The following ABCB1 variants were observed in gnomAD, a reference collection of about 807,000 sequenced individuals.
The protein encoded by ABCB1 is ATP binding cassette subfamily B member 1, also known as ATP-dependent translocase ABCB1.
ABCB1 carries 69 observed loss-of-function variants against 142.0 expected under a neutral mutation model. The ratio of observed to expected loss-of-function variants is 0.49; its 90% confidence interval spans 0.40 to 0.59. The LOEUF is 0.59. Ranked by LOEUF, ABCB1 falls within the 20% of genes least tolerant of loss-of-function variation. ABCB1 has a pLI of 0.00. For synonymous variants in ABCB1, 532 were observed against 539.2 expected, an observed-to-expected ratio of 0.99 and a Z score of 0.18; for missense variants, 1,326 against 1,554.7, an observed-to-expected ratio of 0.85 and a Z score of 2.47.
intron 1 of ABCB1, among the ~76,000 whole-genome samples, chr7:87,607,084 T>C (rs1819681188): frequency 6.6e-6 from 1 of 152,160 alleles, no homozygotes; most frequent in African/African-American, 2.4e-5. Flanking sequence ...GAGGTAGAGA[T>C]AGAGATTCTC....
chr7:87,539,902 GC>G (rs1816457483), intron 18 of ABCB1, among the ~76,000 whole-genome samples: 2 of 152,112 alleles, frequency 1.3e-5, no homozygotes, highest in African/African-American at 4.8e-5. Context: ...CCAGCTCAAA[GC>G]CCACCTCACT....
chr7:87,599,993 A>G (rs2130000306), intron 2 of ABCB1, 124 bp downstream of exon 2: 1 of 949,400 alleles, frequency 1.1e-6, no homozygotes, highest in East Asian at 2.6e-5. Flanking sequence ...TCCAAAGGCT[A>G]GCTTGCGTTT....
At chr7:87,598,343 A>C (rs192109508) in intron 2 of ABCB1, among the ~76,000 whole-genome samples, 130 of 152,316 alleles carry the variant, frequency 8.5e-4, no homozygotes, top group African/African-American at 3.1e-3. Flanking sequence ...GTTTTTGCAG[A>C]TATATTAATA....
chr7:87,690,013 A>G (rs1827866524), intron 1 of ABCB1, among the ~76,000 whole-genome samples: 1 of 152,056 alleles, frequency 6.6e-6, no homozygotes. Context: ...AATTTTTTAT[A>G]GAGACAGAGT....
intron 1 of ABCB1, among the ~76,000 whole-genome samples, chr7:87,692,466 C>T (rs999765364): frequency 2.6e-5 from 4 of 152,110 alleles, no homozygotes; most frequent in African/African-American, 9.7e-5. Context: ...CTTAAACAAT[C>T]AAACACAAAA....
intron 20 of ABCB1, 131 bp from the exon 21 acceptor site, chr7:87,531,628 C>T: frequency 1.2e-6 from 1 of 826,518 alleles, no homozygotes; most frequent in Non-Finnish European, 1.9e-6. Flanking sequence ...AAGTAAAGGT[C>T]TACTTGTAAG....
intron 4 of ABCB1, among the ~76,000 whole-genome samples, chr7:87,582,500 G>A (rs746447412): frequency 6.6e-6 from 1 of 152,192 alleles, no homozygotes; most frequent in Non-Finnish European, 1.5e-5. Context: ...ACTGTGACTG[G>A]CACACAGAAT....
At chr7:87,593,226 C>T (rs2129968405) in intron 3 of ABCB1, among the ~76,000 whole-genome samples, 1 of 152,278 alleles carries the variant, frequency 6.6e-6, no homozygotes, top group South Asian at 2.1e-4. Flanking sequence ...AGCACCTGAC[C>T]AAGAGTGTAT....
chr7:87,579,307 G>T (rs1453889850), intron 4 of ABCB1, among the ~76,000 whole-genome samples: 1 of 151,998 alleles, frequency 6.6e-6, no homozygotes. Flanking sequence ...TCCAGATCTT[G>T]AAGGAAAGGC....
chr7:87,632,952 TAAG>T (rs1253894805), intron 1 of ABCB1, among the ~76,000 whole-genome samples: 3 of 152,190 alleles, frequency 2.0e-5, no homozygotes, highest in Admixed American at 2.0e-4. Flanking sequence ...GAGGGACTAA[TAAG>T]AGGAATATAA....
intron 1 of ABCB1, among the ~76,000 whole-genome samples, chr7:87,618,037 C>T (rs1820085061): frequency 6.6e-6 from 1 of 152,142 alleles, no homozygotes; most frequent in African/African-American, 2.4e-5. Flanking sequence ...AGCTGCTTTA[C>T]CTAGTTCACT....
intron 7 of ABCB1, among the ~76,000 whole-genome samples, chr7:87,562,839 C>T (rs1343661150): frequency 6.6e-6 from 1 of 151,614 alleles, no homozygotes; most frequent in Non-Finnish European, 1.5e-5. Context: ...ATGACTCACA[C>T]CTATAGTCCC....
chr7:87,551,226 T>C (rs1817053093), intron 9 of ABCB1, among the ~76,000 whole-genome samples: 2 of 151,996 alleles, frequency 1.3e-5, no homozygotes, highest in Admixed American at 1.3e-4. Flanking sequence ...TCTCGCTACG[T>C]GTCCCAGCCT....
At chr7:87,543,772 A>G (rs1407646969) in intron 17 of ABCB1, among the ~76,000 whole-genome samples, 1 of 152,220 alleles carries the variant, frequency 6.6e-6, no homozygotes, top group Non-Finnish European at 1.5e-5. Context: ...AGCCAGCCTG[A>G]CAAACATTTG....
At position 87,544,948 on chromosome 7, in the gene ABCB1, C is replaced by T. The variant is rs771100656; in HGVS notation, c.1939G>A (p.Glu647Lys). Residue 647 changes from glutamate (E) to lysine (K), a missense_variant, in exon 16 of 28, where the codon GAA becomes AAA. Glu to Lys is a moderately conservative substitution (Grantham distance 56, BLOSUM62 1). Coordinates refer to ENST00000622132, the MANE Select transcript of ABCB1 (RefSeq NM_001348946.2). ...LENAADESKS[E>K]IDALEMSSND... is the part of the protein sequence containing the mutation. ...GAAGACATTTCCAAGGCATCAATTT[C>T]ACTTTTGGATTCATCAGCTGCATTT... The T allele has an allele frequency of 1.2e-6, 2 of 1,614,074 alleles. No homozygotes were observed. Among genetic ancestry groups the T allele is most frequent in the Non-Finnish European group, 1.7e-6 (2 of 1,180,000 alleles).
chr7:87,538,733 A>C lies in ABCB1; in HGVS notation c.2397+535T>G, dbSNP rs953391795. Among the ~76,000 whole-genome samples the C allele has an allele frequency of 7.9e-5, 12 of 152,306 alleles. No individual in the cohort carries two copies. The South Asian group carries it at 1.2e-3, about 16-fold the overall frequency. ...ACACGTGTCAATGGTTAGGGTTTTGAAGCTGCAAAATGTGAGAAGCATTCC... is the reference window on the plus strand; with the variant it reads ...ACACGTGTCAATGGTTAGGGTTTTGCAGCTGCAAAATGTGAGAAGCATTCC... On this transcript the variant is annotated intron_variant, in intron 19 of 27. Coordinates refer to ENST00000622132, the MANE Select transcript of ABCB1 (RefSeq NM_001348946.2).
intron 1 of ABCB1, among the ~76,000 whole-genome samples, chr7:87,677,004 G>T (rs1484930095): frequency 6.6e-6 from 1 of 152,040 alleles, no homozygotes; most frequent in Non-Finnish European, 1.5e-5. Flanking sequence ...GTGGAGAAAA[G>T]GGAACCTTCC....
chr7:87,617,655 A>C (rs1193105324), intron 1 of ABCB1, among the ~76,000 whole-genome samples: 1 of 152,214 alleles, frequency 6.6e-6, no homozygotes, highest in Non-Finnish European at 1.5e-5. Flanking sequence ...AAGCTAAAGA[A>C]ATCTTGCATT....
chr7:87,604,938 T>G (rs1819593968), upstream of ABCB1, among the ~76,000 whole-genome samples: 1 of 152,224 alleles, frequency 6.6e-6, no homozygotes, highest in African/African-American at 2.4e-5. Flanking sequence ...ATGTTTCATA[T>G]GATTATGAAT....
Sources: gnomAD v4.1 joint callset for allele counts (sites outside exome capture counted in the v4.1 genomes callset) on GRCh38, gnomAD v4.1.1 for gene constraint, MANE v1.5 for transcripts, NCBI Gene and HGNC (gene_info 2026-07-23, HGNC 2026-07-21) for gene names.